Variants in EPB41L3 observed in about 807,000 individuals in gnomAD.
The protein encoded by EPB41L3 is erythrocyte membrane protein band 4.1 like 3.
Under a neutral mutation model 127.1 loss-of-function variants are expected in EPB41L3, and 57 were observed. That is an observed-to-expected ratio of 0.45 (90% CI 0.36 to 0.56). The LOEUF (loss-of-function observed/expected upper bound fraction) is 0.56. EPB41L3 is among the 20% of genes least tolerant of loss of function. The probability of loss-of-function intolerance (pLI) is 0.00; values close to 1 mark genes in which losing one functional copy is unlikely to be tolerated. For missense variants in EPB41L3, 1,273 were observed against 1,372.2 expected (o/e 0.93, Z 1.14); for synonymous variants, 572 against 549.5 (o/e 1.04, Z -0.57).
At position 5,398,135 on chromosome 18, in the gene EPB41L3, C is replaced by T. The variant is rs147008674; in HGVS notation, c.2358G>A (p.Gln786=). 1.2e-6 allele frequency: 2 copies of T among 1,613,956 alleles called. No individual in the cohort carries two copies. The highest frequency in any genetic ancestry group is 1.3e-5 in the African/African-American group (1 of 74,906). ...CATCCATGAGCTTTTCCCCAGAAGA[C>T]TGCTTAGTCTGAGTGAACAAAGAGA... ...IEPLVPEETK[Q]SSGEKLMDGS... The change falls in exon 17 of 23, where the codon CAG becomes CAA. Residue 786 remains glutamine (Q), a synonymous_variant. Transcript: ENST00000341928.
chr18:5,624,116 C>T (rs1006958948), intron 1 of EPB41L3, among the ~76,000 whole-genome samples: 1 of 152,156 alleles, frequency 6.6e-6, no homozygotes, highest in Non-Finnish European at 1.5e-5. Context: ...GTTCCTCCTG[C>T]CTCAGCCTCT....
chr18:5,530,776 T>G (rs1262658318), intron 1 of EPB41L3, among the ~76,000 whole-genome samples: 2 of 152,132 alleles, frequency 1.3e-5, no homozygotes, highest in African/African-American at 4.8e-5. Context: ...CCACAGCTGG[T>G]AGGTGAGCTT....
chr18:5,456,115 A>C (rs1044766591), intron 3 of EPB41L3, among the ~76,000 whole-genome samples: 1 of 152,230 alleles, frequency 6.6e-6, no homozygotes, highest in Non-Finnish European at 1.5e-5. Flanking sequence ...TATGCAACTC[A>C]AATATAGACA....
At chr18:5,528,618 G>A (rs1271837137) in intron 1 of EPB41L3, among the ~76,000 whole-genome samples, 1 of 151,486 alleles carries the variant, frequency 6.6e-6, no homozygotes, top group East Asian at 1.9e-4. Context: ...TTTTTGTTTT[G>A]AGACAGTCTC....
Position 5,397,264 on chromosome 18 carries a change from C to T in EPB41L3, c.2635G>A (p.Asp879Asn). ...DASYSAGDSG[D>N]AAAQPAFTGI... ...GTGAATGCGGGCTGTGCTGCAGCAT[C>T]CCCGCTGTCTCCCGCCGAGTAAGAA... Residue 879 changes from aspartate to asparagine, a missense_variant, in exon 18 of 23, where the codon GAT becomes AAT. By Grantham distance (23) the Asp-to-Asn change is conservative (BLOSUM62 1). Coordinates refer to ENST00000341928, the MANE Select transcript of EPB41L3 (RefSeq NM_012307.5). The surrounding 1 kb of genome is among the most constrained non-coding windows in gnomAD (Gnocchi z 4.1). 6.2e-7 allele frequency: 1 copy of T among 1,614,146 alleles called. No homozygotes were observed. The highest frequency in any genetic ancestry group is 8.5e-7 in the Non-Finnish European group (1 of 1,180,034).
intron 20 of EPB41L3, 109 bp downstream of exon 20, chr18:5,395,500 C>A: frequency 9.7e-7 from 1 of 1,034,424 alleles, no homozygotes; most frequent in South Asian, 1.4e-5. Flanking sequence ...GCGTCCTGAG[C>A]TTCAAGCCAC....
intron 6 of EPB41L3, among the ~76,000 whole-genome samples, chr18:5,434,880 T>C (rs1161684418): frequency 6.6e-6 from 1 of 152,182 alleles, no homozygotes; most frequent in South Asian, 2.1e-4. Flanking sequence ...GCTTCAGAGG[T>C]ATCAGAAGAA....
chr18:5,396,550 T>C (rs1177883973), intron 18 of EPB41L3, among the ~76,000 whole-genome samples: 1 of 152,134 alleles, frequency 6.6e-6, no homozygotes, highest in Non-Finnish European at 1.5e-5. Flanking sequence ...GCAAAACATT[T>C]TGAAGGCAAT....
intron 13 of EPB41L3, among the ~76,000 whole-genome samples, chr18:5,414,542 A>G (rs1345369212): frequency 6.6e-6 from 1 of 152,188 alleles, no homozygotes; most frequent in Non-Finnish European, 1.5e-5. Flanking sequence ...CTAGCTGAGC[A>G]CAGATTTAGA....
At chr18:5,525,250 C>G (rs1362165450) in intron 1 of EPB41L3, among the ~76,000 whole-genome samples, 1 of 152,108 alleles carries the variant, frequency 6.6e-6, no homozygotes, top group Non-Finnish European at 1.5e-5. Flanking sequence ...GTGTGGTGCC[C>G]AGACAGCCAA....
At chr18:5,454,535 G>A (rs1229773668) in intron 3 of EPB41L3, among the ~76,000 whole-genome samples, 1 of 152,160 alleles carries the variant, frequency 6.6e-6, no homozygotes, top group Admixed American at 6.5e-5. Context: ...TCCCAAATGT[G>A]GTCCAGGCAG....
chr18:5,423,636 C>CATGT (rs1165469614), intron 10 of EPB41L3, 83 bp from the exon 11 acceptor site: 4 of 1,264,534 alleles, frequency 3.2e-6, no homozygotes, highest in African/African-American at 3.0e-5. Flanking sequence ...TCTGAGAGGT[C>CATGT]ATGTGTTTTG....
chr18:5,460,685 G>A (rs1334145057), intron 3 of EPB41L3, among the ~76,000 whole-genome samples: 1 of 152,220 alleles, frequency 6.6e-6, no homozygotes, highest in Non-Finnish European at 1.5e-5. Context: ...GAGAGCTGCA[G>A]TAGAGAGTTT....
At chr18:5,614,055 G>A (rs1378038729) in intron 2 of EPB41L3, among the ~76,000 whole-genome samples, 1 of 152,188 alleles carries the variant, frequency 6.6e-6, no homozygotes, top group Non-Finnish European at 1.5e-5. Context: ...ACACACAGCA[G>A]AAGGGCAAAT....
At chr18:5,501,716 A>AT (rs1421235438) in intron 1 of EPB41L3, among the ~76,000 whole-genome samples, 2 of 151,964 alleles carry the variant, frequency 1.3e-5, no homozygotes, top group Non-Finnish European at 2.9e-5. Flanking sequence ...GACTGTTGGC[A>AT]TTTTTTTTCA....
At position 5,572,342 on chromosome 18, in the gene EPB41L3, C is replaced by A. The variant is rs148232998; in HGVS notation, c.-306+39998G>T. ...ACATTAAAAATATACATTTACCCTA[C>A]TTATTTTTCCTTGGCTTTAATTTTG... is the stretch of plus-strand genomic sequence containing the variant. On this transcript the variant is annotated intron_variant, in intron 3 of 21. Coordinates refer to the EPB41L3 transcript ENST00000545076. Among the ~76,000 whole-genome samples, 251 of 152,310 alleles carry A rather than the reference C, an allele frequency of 1.6e-3. 1 individual carries two copies. The highest frequency in any genetic ancestry group is 5.8e-3 in the African/African-American group (243 of 41,572).
chr18:5,503,132 A>C (rs1382962398), intron 1 of EPB41L3, among the ~76,000 whole-genome samples: 1 of 152,260 alleles, frequency 6.6e-6, no homozygotes, highest in Non-Finnish European at 1.5e-5. Context: ...GATGAATAGT[A>C]GTCAAATTAT....
At chr18:5,497,710 G>A (rs1401256073) in intron 1 of EPB41L3, among the ~76,000 whole-genome samples, 1 of 152,190 alleles carries the variant, frequency 6.6e-6, no homozygotes, top group Admixed American at 6.5e-5. Context: ...AAATCATCCA[G>A]TTCAGGTGAA....
chr18:5,428,396 G>A lies in EPB41L3; in HGVS notation c.982C>T (p.Arg328Ter). The A allele has an allele frequency of 1.9e-6, 3 of 1,614,112 alleles. No individual in the cohort carries two copies. The highest frequency in any genetic ancestry group is 2.5e-6 in the Non-Finnish European group (3 of 1,180,018). The change falls in exon 9 of 23, where the codon CGA (arginine) becomes TGA (stop). Residue 328 changes from arginine to a stop codon, truncating the protein, a stop_gained. Coordinates refer to ENST00000341928, the MANE Select transcript of EPB41L3 (RefSeq NM_012307.5). LOFTEE classifies it high-confidence loss of function. Reference protein sequence around the residue: ...SGLLIYRDRLRINRFAWPKVL... With the variant: ...SGLLIYRDRL ...TTGGGCCAGGCAAATCTGTTTATTC[G>A]CAGCCGGTCGCGATATATCAACAGA...
Sources: gnomAD v4.1 joint callset for allele counts (sites outside exome capture counted in the v4.1 genomes callset) on GRCh38, gnomAD v4.1.1 for gene constraint, Gnocchi (gnomAD v3.1) non-coding constraint, MANE v1.5 for transcripts, NCBI Gene and HGNC (gene_info 2026-07-23, HGNC 2026-07-21) for gene names.